Variants in ALPK1 observed in about 807,000 individuals in gnomAD.
The protein encoded by ALPK1 is alpha kinase 1.
A neutral mutation model predicts 120.6 loss-of-function variants in ALPK1; 110 were observed. The ratio of observed to expected loss-of-function variants is 0.91; its 90% CI spans 0.78 to 1.07. The LOEUF is 1.07. ALPK1 is among the 50% of genes least tolerant of loss of function. The probability of loss-of-function intolerance (pLI) is 0.00; values close to 1 mark genes in which losing one functional copy is unlikely to be tolerated. For missense variants in ALPK1, 1,498 were observed against 1,483.9 expected (o/e 1.01, Z -0.16); for synonymous variants, 582 against 560.3 (o/e 1.04, Z -0.55).
chr4:112,366,533 C>CA, intron 2 of ALPK1, among the ~76,000 whole-genome samples: 1 of 151,964 alleles, frequency 6.6e-6, no homozygotes, highest in Non-Finnish European at 1.5e-5. Flanking sequence ...TGGACATAAT[C>CA]AAAAAATCAA....
intron 2 of ALPK1, among the ~76,000 whole-genome samples, chr4:112,372,751 T>G (rs992096039): frequency 6.6e-6 from 1 of 152,156 alleles, no homozygotes; most frequent in African/African-American, 2.4e-5. Context: ...TGAAATTTTG[T>G]ATCCTTTGAC....
At chr4:112,386,411 T>C (rs569479223) in intron 4 of ALPK1, among the ~76,000 whole-genome samples, 1 of 152,350 alleles carries the variant, frequency 6.6e-6, no homozygotes, top group South Asian at 2.1e-4. Flanking sequence ...CTGTAATAGC[T>C]GGGCAGTGTT....
intron 5 of ALPK1, among the ~76,000 whole-genome samples, chr4:112,418,132 A>G (rs1733821516): frequency 6.6e-6 from 1 of 152,234 alleles, no homozygotes; most frequent in African/African-American, 2.4e-5. Context: ...CACCTAAAAA[A>G]GAGCTCCTGG....
chr4:112,430,391 T>C (rs1189016452), intron 10 of ALPK1, 57 bp from the exon 11 acceptor site: 3 of 1,448,214 alleles, frequency 2.1e-6, no homozygotes, highest in Non-Finnish European at 2.8e-6. Context: ...AAGTTTGTCC[T>C]GATTCACTTG....
In ALPK1 at chr4:112,435,198, G is replaced by A; in HGVS notation, c.3085G>A (p.Glu1029Lys). The change falls in exon 12 of 16, where the codon GAA becomes AAA. Residue 1029 changes from glutamate to lysine, a missense_variant. Physicochemically the swap from Glu to Lys is moderately conservative, Grantham distance 56. Coordinates refer to ENST00000650871, the MANE Select transcript of ALPK1 (RefSeq NM_025144.4). ...AAAATCTGAACTGTGGACGGCCCAG[G>A]AAACTATTGTCTATTTGGGGGACTA... ...SKKSELWTAQ[E>K]TIVYLGDYLT... 2 of 1,613,114 alleles carry A rather than the reference G, an allele frequency of 1.2e-6. No individual in the cohort carries two copies. The highest frequency in any genetic ancestry group is 1.7e-6 in the Non-Finnish European group (2 of 1,179,740).
chr4:112,425,532 G>A, intron 6 of ALPK1, 133 bp from the exon 7 acceptor site: 1 of 716,440 alleles, frequency 1.4e-6, no homozygotes, highest in South Asian at 1.8e-5. Context: ...GTTTGGACCT[G>A]ATTCTAAATG....
chr4:112,432,411 G>C lies in ALPK1; in HGVS notation c.2864G>C (p.Gly955Ala). 6.2e-7 allele frequency: 1 copy of C among 1,614,162 alleles called. No homozygotes were observed. Among genetic ancestry groups the C allele is most frequent in the Non-Finnish European group, 8.5e-7 (1 of 1,180,036 alleles). Residue 955 changes from glycine to alanine, a missense_variant, in exon 11 of 16, where the codon GGG (glycine) becomes GCG (alanine). Transcript: ENST00000650871. ...DSPWSYLNSS[G>A]SSWVSLPGKM... ...CCTTGGTCCTATCTGAATTCCAGTG[G>C]GAGTTCTTGGGTTTCATTGCCGGGA...
intron 1 of ALPK1, among the ~76,000 whole-genome samples, chr4:112,308,395 T>C (rs1336445674): frequency 6.6e-6 from 1 of 152,162 alleles, no homozygotes; most frequent in Non-Finnish European, 1.5e-5. Context: ...CAATCAGACA[T>C]AGATTTGGTC....
intron 4 of ALPK1, among the ~76,000 whole-genome samples, chr4:112,389,110 T>A (rs1732286596): frequency 6.6e-6 from 1 of 151,324 alleles, no homozygotes; most frequent in Non-Finnish European, 1.5e-5. Flanking sequence ...AATGGCGTGA[T>A]CTCGGCTCAC....
At chr4:112,324,402 G>A (rs1373112299) in intron 2 of ALPK1, among the ~76,000 whole-genome samples, 2 of 151,856 alleles carry the variant, frequency 1.3e-5, no homozygotes, top group African/African-American at 4.8e-5. Flanking sequence ...CAAAGATGCT[G>A]CAAATTCTAA....
At chr4:112,405,103 C>T (rs1198322699) in intron 4 of ALPK1, among the ~76,000 whole-genome samples, 3 of 152,178 alleles carry the variant, frequency 2.0e-5, no homozygotes, top group African/African-American at 7.2e-5. Context: ...TCAAAGGGGA[C>T]CCTCTGCAGA....
intron 5 of ALPK1, among the ~76,000 whole-genome samples, chr4:112,417,314 T>A (rs914720834): frequency 6.6e-6 from 1 of 152,104 alleles, no homozygotes; most frequent in Non-Finnish European, 1.5e-5. Context: ...GTAAATACAT[T>A]TAGCCATATA....
chr4:112,359,024 G>T, intron 2 of ALPK1: 1 of 765,222 alleles, frequency 1.3e-6, no homozygotes, highest in South Asian at 1.3e-5. Context: ...GTGGCTATCG[G>T]CCAGAGCACA....
intron 2 of ALPK1, among the ~76,000 whole-genome samples, chr4:112,367,643 A>C (rs1287382481): frequency 6.6e-6 from 1 of 152,204 alleles, no homozygotes; most frequent in Non-Finnish European, 1.5e-5. Flanking sequence ...TCCCGTGGAT[A>C]CAGAAAATGA....
intron 4 of ALPK1, 92 bp downstream of exon 4, chr4:112,382,644 C>G (rs780763100): frequency 2.6e-6 from 4 of 1,555,464 alleles, no homozygotes; most frequent in East Asian, 2.2e-5. Context: ...CTTTGAAGCA[C>G]AAGACAGCCC....
chr4:112,358,771 C>T (rs917542141), intron 2 of ALPK1: 28 of 816,150 alleles, frequency 3.4e-5, no homozygotes, highest in Non-Finnish European at 5.5e-5. Flanking sequence ...CAGATGAACA[C>T]GGCCAAGCTC....
At position 112,441,248 on chromosome 4, in the gene ALPK1, G is replaced by T. The variant is rs755180110; in HGVS notation, c.*38G>T. On this transcript the variant is annotated 3_prime_UTR_variant, in exon 16 of 16. Transcript: ENST00000650871. ...TCTGGTCCTTTGGGGCTTGGGCAGG[G>T]CCGTGACACAGGTTCTGGCCAATGA... is the stretch of plus-strand genomic sequence containing the variant. 2.9e-6 allele frequency: 4 copies of T among 1,363,454 alleles called. No individual in the cohort carries two copies. The highest frequency in any genetic ancestry group is 1.1e-6 in the Non-Finnish European group (1 of 951,464). The allele number at this position is 1,363,454 out of a possible 1,614,324, so 84.5% of individuals were successfully genotyped here. A position where few individuals can be genotyped will look rare whatever the true frequency, so the allele number is the denominator to read the frequency against.
At chr4:112,394,619 T>C (rs1018390093) in intron 4 of ALPK1, among the ~76,000 whole-genome samples, 1 of 152,194 alleles carries the variant, frequency 6.6e-6, no homozygotes, top group African/African-American at 2.4e-5. Context: ...TTTAATATAG[T>C]ACTTTCAAGT....
chr4:112,300,070 G>T (rs1477393538), intron 1 of ALPK1, among the ~76,000 whole-genome samples: 2 of 152,108 alleles, frequency 1.3e-5, no homozygotes, highest in African/African-American at 4.8e-5. Flanking sequence ...TCGCAAACAT[G>T]TTCATCATAA....
Sources: gnomAD v4.1 joint callset for allele counts (sites outside exome capture counted in the v4.1 genomes callset) on GRCh38, gnomAD v4.1.1 for gene constraint, MANE v1.5 for transcripts, NCBI Gene and HGNC (gene_info 2026-07-23, HGNC 2026-07-21) for gene names.